PPFIA1: variants seen among roughly 807,000 people sequenced by gnomAD.
PPFIA1 encodes PPFI scaffold protein A1.
PPFIA1 carries 25 observed loss-of-function variants against 149.9 expected under a neutral mutation model. The ratio of observed to expected loss-of-function variants is 0.17; its 90% CI spans 0.12 to 0.23. PPFIA1 has a LOEUF of 0.23. Ranked by LOEUF, PPFIA1 falls within the 10% of genes least tolerant of loss-of-function variation. PPFIA1 has a pLI of 1.00. For synonymous variants in PPFIA1, 549 were observed against 552.8 expected (o/e 0.99, Z 0.10); for missense variants, 1,362 against 1,506.5 (o/e 0.90, Z 1.59).
chr11:70,294,802 T>C (rs1403393514), intron 2 of PPFIA1, among the ~76,000 whole-genome samples: 2 of 151,720 alleles, frequency 1.3e-5, no homozygotes, highest in African/African-American at 4.9e-5. Flanking sequence ...AAGCACATCT[T>C]GCACTGCCCT....
chr11:70,340,663 A>C (rs3900798), intron 14 of PPFIA1, among the ~76,000 whole-genome samples: 33,125 of 151,956 alleles, frequency 0.22, 5,520 homozygotes, highest in African/African-American at 0.46. Flanking sequence ...TAAAACAGGA[A>C]GAATGCCTGC....
chr11:70,288,300 G>C (rs2051291553), intron 2 of PPFIA1, among the ~76,000 whole-genome samples: 1 of 152,022 alleles, frequency 6.6e-6, no homozygotes, highest in South Asian at 2.1e-4. Context: ...TTGAACTCCT[G>C]GTGTTGTGAT....
intron 17 of PPFIA1, among the ~76,000 whole-genome samples, chr11:70,354,705 T>C (rs1023033622): frequency 2.0e-5 from 3 of 152,048 alleles, no homozygotes; most frequent in African/African-American, 7.2e-5. Flanking sequence ...TCAGCAAGTT[T>C]TGGAAAAACT....
chr11:70,331,439 A>T (rs1000479802), intron 8 of PPFIA1, among the ~76,000 whole-genome samples: 1 of 152,132 alleles, frequency 6.6e-6, no homozygotes, highest in Admixed American at 6.5e-5. Context: ...TGTTTTGCAC[A>T]TTGAAACCAA....
At chr11:70,307,385 G>A (rs2052922214) in intron 2 of PPFIA1, among the ~76,000 whole-genome samples, 1 of 152,156 alleles carries the variant, frequency 6.6e-6, no homozygotes, top group Non-Finnish European at 1.5e-5. Context: ...GCTGTAAAAA[G>A]GGAGGAGGAT....
intron 19 of PPFIA1, among the ~76,000 whole-genome samples, chr11:70,358,855 C>T (rs924785736): frequency 3.3e-5 from 5 of 152,192 alleles, no homozygotes; most frequent in Admixed American, 6.5e-5. Flanking sequence ...TAGAGCCATT[C>T]GTCAGCTTTG....
At chr11:70,378,942 G>C (rs1396643018) in intron 26 of PPFIA1, among the ~76,000 whole-genome samples, 3 of 152,196 alleles carry the variant, frequency 2.0e-5, no homozygotes, top group African/African-American at 7.2e-5. Flanking sequence ...GAAGAGCCAG[G>C]CTGCCTAGGT....
chr11:70,281,450 G>T (rs944292610), intron 2 of PPFIA1, among the ~76,000 whole-genome samples: 4 of 152,164 alleles, frequency 2.6e-5, no homozygotes, highest in African/African-American at 9.7e-5. Context: ...GGCGTGTCCT[G>T]GAGCCCAAGT....
At chr11:70,286,936 A>ATATATATACACATATAC (rs1319195252) in intron 2 of PPFIA1, among the ~76,000 whole-genome samples, 1 of 134,414 alleles carries the variant, frequency 7.4e-6, no homozygotes, top group Non-Finnish European at 1.5e-5. Context: ...ATATATACAC[A>ATATATATACACATATAC]TATATATACA....
intron 8 of PPFIA1, among the ~76,000 whole-genome samples, chr11:70,330,730 G>A (rs920741500): frequency 6.6e-6 from 1 of 152,302 alleles, no homozygotes; most frequent in African/African-American, 2.4e-5. Context: ...GCTGAGGTGG[G>A]AAGATCGCTT....
intron 21 of PPFIA1, chr11:70,371,488 A>C: frequency 6.5e-6 from 1 of 155,024 alleles, no homozygotes; most frequent in South Asian, 2.1e-4. Flanking sequence ...GGCGTGTTCT[A>C]TCTTCTGTTG....
chr11:70,282,793 C>G (rs554016759), intron 2 of PPFIA1, among the ~76,000 whole-genome samples: 64 of 150,352 alleles, frequency 4.3e-4, no homozygotes, highest in African/African-American at 1.5e-3. Context: ...CCTTGGCCTC[C>G]CAAAGTGCTG....
chr11:70,304,355 A>G (rs770627185), intron 2 of PPFIA1, among the ~76,000 whole-genome samples: 1 of 151,794 alleles, frequency 6.6e-6, no homozygotes, highest in Non-Finnish European at 1.5e-5. Flanking sequence ...AAAATTAGAG[A>G]TGGGATCTCA....
chr11:70,348,069 G>A (rs7935969), intron 15 of PPFIA1, 120 bp from the exon 16 acceptor site: 96,891 of 732,930 alleles, frequency 0.13, 7,917 homozygotes, highest in African/African-American at 0.31. Flanking sequence ...TTCATTGTTT[G>A]AGCAGCTTAT....
At chr11:70,296,331 A>G (rs371824764) in intron 2 of PPFIA1, among the ~76,000 whole-genome samples, 18,464 of 151,582 alleles carry the variant, frequency 0.12, 1,224 homozygotes, top group Admixed American at 0.18. Flanking sequence ...CAAGGCAGGC[A>G]GCTGGGAGGT....
At chr11:70,346,841 T>C (rs1042162320) in intron 15 of PPFIA1, among the ~76,000 whole-genome samples, 3 of 152,220 alleles carry the variant, frequency 2.0e-5, no homozygotes, top group African/African-American at 7.2e-5. Flanking sequence ...AGAACTTTAA[T>C]TGGAAGGGTT....
chr11:70,329,265 A>G (rs2054514371), intron 7 of PPFIA1, among the ~76,000 whole-genome samples: 1 of 152,128 alleles, frequency 6.6e-6, no homozygotes, highest in Non-Finnish European at 1.5e-5. Context: ...GAGTGTATAT[A>G]TTTTTATAAT....
intron 2 of PPFIA1, among the ~76,000 whole-genome samples, chr11:70,316,015 A>G (rs945324981): frequency 2.0e-5 from 3 of 152,026 alleles, no homozygotes; most frequent in African/African-American, 7.2e-5. Context: ...ACTCAGCCCA[A>G]CATCCTCAAG....
At chr11:70,375,183 A>C (rs1196150747) in intron 24 of PPFIA1, 90 bp downstream of exon 24, 38 of 336,540 alleles carry the variant, frequency 1.1e-4, no homozygotes, top group African/African-American at 8.5e-4. Flanking sequence ...AGAAACTTTA[A>C]AAAAAAAAAA....
Sources: allele counts gnomAD v4.1 joint callset (sites outside exome capture counted in the v4.1 genomes callset), GRCh38; gene constraint gnomAD v4.1.1; transcripts MANE v1.5; gene names NCBI Gene and HGNC (gene_info 2026-07-23, HGNC 2026-07-21).